BBS9: variants seen among roughly 807,000 people sequenced by gnomAD.
BBS9 encodes the protein protein PTHB1.
In BBS9, 89 loss-of-function variants were observed where a neutral mutation model predicts 117.7. The ratio of observed to expected loss-of-function variants is 0.76; its 90% confidence interval spans 0.64 to 0.90. BBS9 has a LOEUF of 0.90. BBS9 is among the 40% of genes least tolerant of loss of function. BBS9 has a pLI of 0.00. For missense variants in BBS9, 982 were observed against 1,042.2 expected (o/e 0.94, Z 0.80); for synonymous variants, 379 against 370.9 (o/e 1.02, Z -0.25).
intron 21 of BBS9, among the ~76,000 whole-genome samples, chr7:33,617,066 AGTATTCCATAGT>A (rs1174771886): frequency 2.0e-5 from 3 of 152,072 alleles, no homozygotes; most frequent in Non-Finnish European, 2.9e-5. Flanking sequence ...ATAAACGGGT[AGTATTCCATAGT>A]GTATATATAA....
chr7:33,295,806 T>C (rs1224587781), intron 9 of BBS9, among the ~76,000 whole-genome samples: 4 of 152,048 alleles, frequency 2.6e-5, no homozygotes, highest in Non-Finnish European at 5.9e-5. Flanking sequence ...CTAGAAAATA[T>C]TGTAATTGGA....
intron 1 of BBS9, among the ~76,000 whole-genome samples, chr7:33,136,915 G>A (rs529019894): frequency 1.3e-5 from 2 of 152,212 alleles, no homozygotes; most frequent in East Asian, 3.9e-4. Flanking sequence ...TAATTGTTTA[G>A]TAGAGTCCAC....
rs76152347 is a variant in BBS9 at position 33,302,593 on chromosome 7, T to G, written c.1016+28637T>G. ...TCAAAAATTAGTTCACTGTAGATGT[T>G]TTGATTTGTTTCTGGGTTCTCTCTT... On this transcript the variant is annotated intron_variant, in intron 9 of 22. Transcript: ENST00000242067. Among the ~76,000 whole-genome samples the G allele has an allele frequency of 2.9e-3, 439 of 152,228 alleles. 13 individuals carry two copies. In the East Asian group the frequency reaches 0.056, roughly 19 times the overall value.
chr7:33,551,662 C>T (rs974399805), intron 21 of BBS9, among the ~76,000 whole-genome samples: 1 of 152,112 alleles, frequency 6.6e-6, no homozygotes, highest in Non-Finnish European at 1.5e-5. Context: ...CTAATCCAAG[C>T]CCTGCCCTCA....
chr7:33,166,415 T>G (rs1284506302), intron 4 of BBS9, among the ~76,000 whole-genome samples: 1 of 152,232 alleles, frequency 6.6e-6, no homozygotes, highest in Non-Finnish European at 1.5e-5. Context: ...GAGGTTTAAG[T>G]CTGCAGAAGT....
At chr7:33,227,329 G>A (rs1791477753) in intron 5 of BBS9, among the ~76,000 whole-genome samples, 1 of 152,002 alleles carries the variant, frequency 6.6e-6, no homozygotes, top group Non-Finnish European at 1.5e-5. Flanking sequence ...TGTATTTTTA[G>A]TAGAGATGGG....
intron 21 of BBS9, among the ~76,000 whole-genome samples, chr7:33,618,611 T>G (rs1010501977): frequency 6.6e-6 from 1 of 152,144 alleles, no homozygotes; most frequent in African/African-American, 2.4e-5. Context: ...TCCCAACACT[T>G]TGGAAGCCTG....
At chr7:33,501,735 C>T (rs537685297) in intron 19 of BBS9, among the ~76,000 whole-genome samples, 31 of 152,284 alleles carry the variant, frequency 2.0e-4, no homozygotes, top group African/African-American at 6.5e-4. Context: ...GATCTGATAG[C>T]TGCTTAGAGT....
At chr7:33,373,166 C>G (rs1219894720) in intron 17 of BBS9, among the ~76,000 whole-genome samples, 4 of 152,056 alleles carry the variant, frequency 2.6e-5, no homozygotes, top group African/African-American at 9.7e-5. Flanking sequence ...CTTTCTCTCT[C>G]CCTCTCAGAC....
At chr7:33,202,554 TG>T (rs1786068709) in intron 5 of BBS9, among the ~76,000 whole-genome samples, 1 of 152,068 alleles carries the variant, frequency 6.6e-6, no homozygotes, top group African/African-American at 2.4e-5. Context: ...GAAGCATGGC[TG>T]GGTAGGCCTC....
chr7:33,430,055 A>G (rs899327448), intron 19 of BBS9, among the ~76,000 whole-genome samples: 5 of 152,172 alleles, frequency 3.3e-5, no homozygotes, highest in East Asian at 1.9e-4. Flanking sequence ...GGAGAGTGCT[A>G]CTAGGATGGG....
chr7:33,594,130 C>T (rs533469425), intron 21 of BBS9, among the ~76,000 whole-genome samples: 2 of 152,202 alleles, frequency 1.3e-5, no homozygotes, highest in African/African-American at 2.4e-5. Flanking sequence ...TCAGCCTTTA[C>T]GGGGGTTTTA....
intron 10 of BBS9, among the ~76,000 whole-genome samples, chr7:33,337,230 T>G (rs574255943): frequency 7.2e-5 from 11 of 152,292 alleles, no homozygotes; most frequent in Admixed American, 5.9e-4. Flanking sequence ...TAATTTTTTT[T>G]TGTAAATTAA....
intron 18 of BBS9, among the ~76,000 whole-genome samples, chr7:33,387,788 A>G (rs576280449): frequency 3.9e-5 from 6 of 152,266 alleles, no homozygotes; most frequent in South Asian, 2.1e-4. Context: ...AACTTTTACA[A>G]TTTTCCATTT....
intron 21 of BBS9, among the ~76,000 whole-genome samples, chr7:33,598,173 G>A (rs551388054): frequency 9.2e-5 from 14 of 151,426 alleles, no homozygotes; most frequent in Admixed American, 1.3e-4. Flanking sequence ...TTTTGATAGA[G>A]GAGAAGAGAA....
At chr7:33,532,473 A>G (rs1353182939) in intron 20 of BBS9, among the ~76,000 whole-genome samples, 2 of 152,198 alleles carry the variant, frequency 1.3e-5, no homozygotes. Flanking sequence ...GGAAACTTAC[A>G]GTCATTGCAG....
At position 33,515,787 on chromosome 7, in the gene BBS9, T is replaced by C. The variant is rs538354987; in HGVS notation, c.2298+10142T>C. Among the ~76,000 whole-genome samples the C allele has an allele frequency of 1.6e-3, 244 of 152,356 alleles. 3 individuals are homozygous for C. Among genetic ancestry groups the C allele is most frequent in the African/African-American group, 5.6e-3 (232 of 41,586 alleles). On this transcript the variant is annotated intron_variant, in intron 20 of 22. Transcript: ENST00000242067. ...ACAGTTTATTCTATCTGGATGTATTTTCTTGTCTCACATCCTGGAAAGCTT... is the reference window on the plus strand; with the variant it reads ...ACAGTTTATTCTATCTGGATGTATTCTCTTGTCTCACATCCTGGAAAGCTT...
At chr7:33,287,342 C>T (rs955578009) in intron 9 of BBS9, among the ~76,000 whole-genome samples, 1 of 152,020 alleles carries the variant, frequency 6.6e-6, no homozygotes, top group Non-Finnish European at 1.5e-5. Context: ...TTAGTAAATC[C>T]CCTACATCTT....
intron 5 of BBS9, among the ~76,000 whole-genome samples, chr7:33,240,533 G>A (rs545617135): frequency 7.2e-5 from 11 of 152,202 alleles, no homozygotes; most frequent in East Asian, 3.9e-4. Context: ...GATTACAGGC[G>A]TGTGCCACTG....
Sources: allele counts gnomAD v4.1 joint callset (sites outside exome capture counted in the v4.1 genomes callset), GRCh38; gene constraint gnomAD v4.1.1; transcripts MANE v1.5; gene names NCBI Gene and HGNC (gene_info 2026-07-23, HGNC 2026-07-21).